MAP6: variants seen among roughly 807,000 people sequenced by gnomAD.
The protein encoded by MAP6 is microtubule-associated protein 6.
MAP6 carries 26 observed loss-of-function variants against 42.4 expected under a neutral mutation model. The observed-to-expected ratio is 0.61, with a 90% CI of 0.45 to 0.85. The LOEUF (loss-of-function observed/expected upper bound fraction) is 0.85, where lower values mean the gene tolerates loss of function less well. Among genes scored for constraint, MAP6 ranks in the 40% least tolerant of loss-of-function variants. The pLI, the probability that MAP6 is intolerant of heterozygous loss-of-function variation, is 0.00. For missense variants in MAP6, 966 were observed against 1,099.0 expected (o/e 0.88, Z 1.71); for synonymous variants, 418 against 443.8 (o/e 0.94, Z 0.73).
intron 1 of MAP6, among the ~76,000 whole-genome samples, chr11:75,644,078 A>C (rs138931461): frequency 3.8e-4 from 58 of 152,306 alleles, no homozygotes; most frequent in African/African-American, 1.4e-3. Flanking sequence ...GACAGGGCAG[A>C]ATTCTCCCAA....
Position 75,667,838 on chromosome 11 carries a change from C to A in MAP6, c.532G>T (p.Val178Leu), listed in dbSNP as rs370290525. The A allele has an allele frequency of 5.0e-6, 7 of 1,395,472 alleles. No individual in the cohort carries two copies. Among genetic ancestry groups the A allele is most frequent in the Non-Finnish European group, 5.6e-6 (6 of 1,070,976 alleles). The allele number at this position is 1,395,472 out of a possible 1,614,324, so 86.4% of individuals were successfully genotyped here. ...GCCTGGGAGGCCGCAGAGATCTGCA[C>A]GGGCTTGGGGATCCACGGGTGGTCC... ...RGDHPWIPKP[V>L]QISAASQASA... is the part of the protein sequence containing the mutation. The change falls in exon 1 of 4, where the codon GTG becomes TTG. Residue 178 changes from valine to leucine, a missense_variant. Val to Leu is a conservative substitution (Grantham distance 32). Transcript: ENST00000304771. This position sits in a 1 kb window ranked among gnomAD's most constrained non-coding sequence, Gnocchi z 5.6.
chr11:75,604,573 T>C (rs562877619), intron 3 of MAP6: 167 of 985,186 alleles, frequency 1.7e-4, no homozygotes, highest in Non-Finnish European at 2.0e-4. Context: ...GGTAACTATT[T>C]TGAGTTCCCT....
intron 1 of MAP6, among the ~76,000 whole-genome samples, chr11:75,658,415 G>T (rs996487824): frequency 4.0e-5 from 6 of 151,200 alleles, no homozygotes; most frequent in Admixed American, 3.3e-4. Flanking sequence ...GCCCCAGACA[G>T]CCAAAACATG....
At chr11:75,634,516 A>T (rs1355940358) in intron 1 of MAP6, among the ~76,000 whole-genome samples, 1 of 152,124 alleles carries the variant, frequency 6.6e-6, no homozygotes, top group Non-Finnish European at 1.5e-5. Context: ...TGATCCACCC[A>T]CCTCAGCCTC....
chr11:75,591,812 A>G (rs1392636183), intron 3 of MAP6, among the ~76,000 whole-genome samples: 1 of 152,242 alleles, frequency 6.6e-6, no homozygotes, highest in East Asian at 1.9e-4. Flanking sequence ...TAACCACCAT[A>G]GACCTCAGTT....
At position 75,667,480 on chromosome 11, in the gene MAP6, A is replaced by T; in HGVS notation, c.890T>A (p.Val297Glu). The T allele has an allele frequency of 2.0e-6, 3 of 1,509,250 alleles. No homozygotes were observed. Among genetic ancestry groups the T allele is most frequent in the Non-Finnish European group, 2.6e-6 (3 of 1,137,492 alleles). 93.5% of individuals were successfully genotyped at this position (1,509,250 alleles called of 1,614,324 possible). A position where few individuals can be genotyped will look rare whatever the true frequency, so the allele number is the denominator to read the frequency against. The stretch of plus-strand genomic sequence containing the variant: ...CGCGTCTCACCTGTAGGAGCTGCTC[A>T]CTGCACTCGCCACCTCCTCGCGGAT... ...RQIREEVASA[V>E]SSSYRNEFRA... Residue 297 changes from valine (V) to glutamate (E), a missense_variant, in exon 1 of 4, where the codon GTG becomes GAG. Around this residue, in one of 2 missense-constraint regions of MAP6, gnomAD observed 943 missense variants for 1,049.9 expected, o/e 0.90. Transcript: ENST00000304771. The surrounding 1 kb of genome is among the most constrained non-coding windows in gnomAD (Gnocchi z 5.6).
intron 1 of MAP6, among the ~76,000 whole-genome samples, chr11:75,661,575 A>T (rs1943846372): frequency 6.6e-6 from 1 of 152,126 alleles, no homozygotes; most frequent in Non-Finnish European, 1.5e-5. Context: ...GAAAAATCAC[A>T]GATCATCTCA....
At position 75,594,011 on chromosome 11, in the gene MAP6, T is replaced by C. The variant is rs199552940; in HGVS notation, c.1317-5827A>G. 4 of 152,226 alleles carry C rather than the reference T, an allele frequency of 2.6e-5. No individual in the cohort carries two copies. The East Asian group carries it at 7.7e-4, about 29-fold the overall frequency. 9.4% of individuals were successfully genotyped at this position (152,226 alleles called of 1,614,324 possible). ...GAGGATTAGCTTATGTGAATGCTCA[T>C]GGCATGGCCCCTGGAATACAAGTGA... On this transcript the variant is annotated intron_variant, in intron 3 of 3. Coordinates refer to ENST00000304771, the MANE Select transcript of MAP6 (RefSeq NM_033063.2).
chr11:75,622,740 C>T (rs76880596), intron 1 of MAP6, among the ~76,000 whole-genome samples: 2,256 of 152,282 alleles, frequency 0.015, 67 homozygotes, highest in East Asian at 0.13. Context: ...ACTTATGAAG[C>T]TACTGTAATC....
At chr11:75,660,788 T>G (rs561842043) in intron 1 of MAP6, among the ~76,000 whole-genome samples, 1 of 152,124 alleles carries the variant, frequency 6.6e-6, no homozygotes, top group Non-Finnish European at 1.5e-5. Context: ...AAATCCAAAC[T>G]TCTTAGCCAG....
chr11:75,623,062 G>T (rs960003954), intron 1 of MAP6, among the ~76,000 whole-genome samples: 2 of 152,010 alleles, frequency 1.3e-5, no homozygotes, highest in Non-Finnish European at 2.9e-5. Context: ...CACATATATG[G>T]TCAATTTATT....
Position 75,643,010 on chromosome 11 carries a change from C to A in MAP6, c.905+24455G>T, listed in dbSNP as rs1028306165. On this transcript the variant is annotated intron_variant, in intron 1 of 3. Coordinates refer to ENST00000304771, the MANE Select transcript of MAP6 (RefSeq NM_033063.2). ...CTTCCTTGCTAAATCAAATAGTAAT[C>A]AAGCCTGTATTCATAGTCTATTTTG... is the stretch of plus-strand genomic sequence containing the variant. 36 of 341,160 alleles carry A rather than the reference C, an allele frequency of 1.1e-4. No individual in the cohort carries two copies. The East Asian group carries it at 1.2e-3, about 12-fold the overall frequency. 21.1% of individuals were successfully genotyped at this position (341,160 alleles called of 1,614,324 possible).
chr11:75,586,958 A>T lies in MAP6; in HGVS notation c.*101T>A. ...ATTTTTATTAGATTCCAGCAAGACT[A>T]CTGTACATGTTTCATGCAGATTAAA... On this transcript the variant is annotated 3_prime_UTR_variant, in exon 4 of 4. Coordinates refer to ENST00000304771, the MANE Select transcript of MAP6 (RefSeq NM_033063.2). 1 of 1,250,610 alleles carries T rather than the reference A, an allele frequency of 8.0e-7. No homozygotes were observed. The highest frequency in any genetic ancestry group is 1.1e-6 in the Non-Finnish European group (1 of 898,164). 77.5% of individuals were successfully genotyped at this position (1,250,610 alleles called of 1,614,324 possible).
At chr11:75,607,483 G>T (rs1003491588) in intron 2 of MAP6, 1 of 985,338 alleles carries the variant, frequency 1.0e-6, no homozygotes, top group Non-Finnish European at 1.2e-6. Context: ...GTGGAGGAAT[G>T]TTACCTTAGG....
At chr11:75,662,373 A>AT (rs1459511856) in intron 1 of MAP6, among the ~76,000 whole-genome samples, 1 of 152,224 alleles carries the variant, frequency 6.6e-6, no homozygotes, top group Non-Finnish European at 1.5e-5. Context: ...TGTGTATGTG[A>AT]TTTTGTGGAG....
chr11:75,633,688 A>G (rs1337050945), intron 1 of MAP6, among the ~76,000 whole-genome samples: 1 of 152,230 alleles, frequency 6.6e-6, no homozygotes, highest in Non-Finnish European at 1.5e-5. Context: ...AGAGTTGAAC[A>G]GAGACCTGGA....
chr11:75,603,731 C>G (rs1267092839), intron 3 of MAP6: 14 of 985,214 alleles, frequency 1.4e-5, no homozygotes, highest in Non-Finnish European at 1.6e-5. Flanking sequence ...TTTCTTTATA[C>G]TGCCCACCAC....
chr11:75,599,489 G>A (rs1590756151), intron 3 of MAP6, among the ~76,000 whole-genome samples: 1 of 152,342 alleles, frequency 6.6e-6, no homozygotes, highest in Non-Finnish European at 1.5e-5. Flanking sequence ...AGGCAAGCTA[G>A]TACCAGAAGG....
intron 3 of MAP6, among the ~76,000 whole-genome samples, chr11:75,599,732 T>C (rs1942636672): frequency 6.6e-6 from 1 of 152,202 alleles, no homozygotes; most frequent in African/African-American, 2.4e-5. Flanking sequence ...TGAAACCTGA[T>C]TCTTTTCAGG....
Sources: allele counts gnomAD v4.1 joint callset (sites outside exome capture counted in the v4.1 genomes callset), GRCh38; gene constraint gnomAD v4.1.1; regional missense constraint gnomAD v4.1.1; non-coding constraint Gnocchi (gnomAD v3.1); transcripts MANE v1.5; gene names NCBI Gene and HGNC (gene_info 2026-07-23, HGNC 2026-07-21).